Variants in ULK4 observed in about 807,000 individuals in gnomAD.
ULK4 encodes the protein unc-51 like kinase 4, also known as inactive serine/threonine-protein kinase ULK4.
ULK4 carries 133 observed loss-of-function variants against 160.6 expected under a neutral mutation model. The observed-to-expected ratio is 0.83, with a 90% CI of 0.72 to 0.96. The LOEUF is 0.96. ULK4 is among the 40% of genes least tolerant of loss of function. The probability of loss-of-function intolerance (pLI) is 0.00; values close to 1 mark genes in which losing one functional copy is unlikely to be tolerated. For synonymous variants in ULK4, 534 were observed against 539.8 expected (o/e 0.99, Z 0.15); for missense variants, 1,580 against 1,499.5 (o/e 1.05, Z -0.89).
At chr3:41,470,018 GAAAAAAAAAAAAA>G (rs71094650) in intron 32 of ULK4, among the ~76,000 whole-genome samples, 5 of 45,974 alleles carry the variant, frequency 1.1e-4, no homozygotes, top group Non-Finnish European at 1.5e-4. Flanking sequence ...AAACAGAACA[GAAAAAAAAAAAAA>G]AAAAAAAAAA....
At chr3:41,682,069 T>G (rs1432933911) in intron 27 of ULK4, among the ~76,000 whole-genome samples, 1 of 152,206 alleles carries the variant, frequency 6.6e-6, no homozygotes, top group Non-Finnish European at 1.5e-5. Flanking sequence ...AAAGGAACTT[T>G]AGAATATAAT....
Position 41,807,360 on chromosome 3 carries a change from A to G in ULK4, c.1849-7067T>C, listed in dbSNP as rs899814976. 9.9e-5 allele frequency among the ~76,000 whole-genome samples: 15 copies of G among 152,254 alleles called. No individual in the cohort carries two copies. The East Asian group carries it at 2.3e-3, about 23-fold the overall frequency. On this transcript the variant is annotated intron_variant, in intron 19 of 36. Transcript: ENST00000301831. Reference sequence around the variant, plus strand: ...AGGAGCCCACTAATTCAACTTTAGAAATTTTTACATTGCTTGGTTTGTTAC... The same window carrying G: ...AGGAGCCCACTAATTCAACTTTAGAGATTTTTACATTGCTTGGTTTGTTAC...
intron 27 of ULK4, among the ~76,000 whole-genome samples, chr3:41,687,241 C>T (rs1439832443): frequency 2.0e-5 from 3 of 151,888 alleles, no homozygotes; most frequent in Admixed American, 6.6e-5. Context: ...GGTATGGTGG[C>T]GCACGCCTGT....
intron 16 of ULK4, among the ~76,000 whole-genome samples, chr3:41,890,042 C>G (rs948324040): frequency 6.6e-6 from 1 of 152,146 alleles, no homozygotes; most frequent in Non-Finnish European, 1.5e-5. Context: ...TATGAAATAT[C>G]AAAAATAGGC....
At chr3:41,562,384 G>A (rs529434218) in intron 32 of ULK4, among the ~76,000 whole-genome samples, 45 of 152,228 alleles carry the variant, frequency 3.0e-4, no homozygotes, top group Non-Finnish European at 4.9e-4. Context: ...GGTCCACTTG[G>A]TGCAGAGCTG....
chr3:41,424,313 T>C (rs747636741), intron 34 of ULK4, among the ~76,000 whole-genome samples: 2 of 151,290 alleles, frequency 1.3e-5, no homozygotes, highest in Non-Finnish European at 3.0e-5. Flanking sequence ...CATGGTCTTT[T>C]AGGATGAGCA....
intron 35 of ULK4, among the ~76,000 whole-genome samples, chr3:41,386,122 G>C (rs1482859628): frequency 6.6e-6 from 1 of 152,068 alleles, no homozygotes; most frequent in Non-Finnish European, 1.5e-5. Flanking sequence ...TTCCACGTTT[G>C]GCTCAAAACA....
chr3:41,274,662 G>A (rs190718305), intron 35 of ULK4, among the ~76,000 whole-genome samples: 6 of 152,284 alleles, frequency 3.9e-5, no homozygotes, highest in African/African-American at 1.2e-4. Context: ...TAGAATACAC[G>A]GTTATGACTA....
At chr3:41,820,613 A>G (rs1232492504) in intron 18 of ULK4, among the ~76,000 whole-genome samples, 2 of 152,106 alleles carry the variant, frequency 1.3e-5, no homozygotes, top group Non-Finnish European at 1.5e-5. Flanking sequence ...AAAAGACACT[A>G]GAGACTACAA....
At chr3:41,540,658 T>C (rs1010345995) in intron 32 of ULK4, among the ~76,000 whole-genome samples, 2 of 152,184 alleles carry the variant, frequency 1.3e-5, no homozygotes, top group South Asian at 2.1e-4. Flanking sequence ...CCACCAACAG[T>C]GTAAAAGTGT....
chr3:41,926,140 T>C (rs1181986286), intron 5 of ULK4, among the ~76,000 whole-genome samples: 1 of 152,122 alleles, frequency 6.6e-6, no homozygotes, highest in Non-Finnish European at 1.5e-5. Context: ...AGGACGAAGC[T>C]TCCAGAGGAA....
intron 29 of ULK4, among the ~76,000 whole-genome samples, chr3:41,666,799 C>A (rs1355589108): frequency 6.6e-6 from 1 of 152,034 alleles, no homozygotes; most frequent in African/African-American, 2.4e-5. Flanking sequence ...CTCAATAGGG[C>A]TAGAAAATAT....
chr3:41,822,248 C>T (rs2041169621), intron 18 of ULK4, among the ~76,000 whole-genome samples: 1 of 152,144 alleles, frequency 6.6e-6, no homozygotes, highest in Admixed American at 6.5e-5. Flanking sequence ...TCCTGTCCCA[C>T]TGGCCTTGGT....
At chr3:41,394,032 G>C (rs2082006757) in intron 35 of ULK4, among the ~76,000 whole-genome samples, 1 of 152,136 alleles carries the variant, frequency 6.6e-6, no homozygotes. Flanking sequence ...ATGTTGTCAA[G>C]ATTAAAGGAG....
chr3:41,895,727 C>T (rs374211047), intron 15 of ULK4, among the ~76,000 whole-genome samples, 163 bp from the exon 16 acceptor site: 7 of 152,188 alleles, frequency 4.6e-5, no homozygotes, highest in Middle Eastern at 3.4e-3. Flanking sequence ...CACTAGTATA[C>T]GAATAAGATT....
intron 35 of ULK4, among the ~76,000 whole-genome samples, chr3:41,283,636 G>T (rs2079403512): frequency 1.3e-5 from 2 of 152,094 alleles, no homozygotes; most frequent in Admixed American, 1.3e-4. Flanking sequence ...CAAAACCAGG[G>T]CCTCTCAGCG....
intron 34 of ULK4, among the ~76,000 whole-genome samples, chr3:41,451,691 G>A (rs1029114557): frequency 6.6e-6 from 1 of 151,958 alleles, no homozygotes; most frequent in Non-Finnish European, 1.5e-5. Context: ...ATAGCACCAC[G>A]TAGAAAAAAA....
At chr3:41,481,585 T>C (rs936750388) in intron 32 of ULK4, among the ~76,000 whole-genome samples, 4 of 152,084 alleles carry the variant, frequency 2.6e-5, no homozygotes, top group African/African-American at 9.7e-5. Context: ...CCCAGCACTT[T>C]GGGAGGCCGA....
chr3:41,956,552 C>G (rs911790919), intron 1 of ULK4, among the ~76,000 whole-genome samples: 19 of 152,072 alleles, frequency 1.2e-4, no homozygotes, highest in Non-Finnish European at 2.1e-4. Context: ...GTATGCCCCA[C>G]CTAAACCTTA....
Sources: gnomAD v4.1 joint callset for allele counts (sites outside exome capture counted in the v4.1 genomes callset) on GRCh38, gnomAD v4.1.1 for gene constraint, MANE v1.5 for transcripts, NCBI Gene and HGNC (gene_info 2026-07-23, HGNC 2026-07-21) for gene names.